MIPOL1: variants seen among roughly 807,000 people sequenced by gnomAD.
MIPOL1 encodes the protein mirror-image polydactyly gene 1 protein.
Under a neutral mutation model 60.9 loss-of-function variants are expected in MIPOL1, and 57 were observed. That is an observed-to-expected ratio of 0.94 (90% CI 0.76 to 1.17). MIPOL1 has a LOEUF of 1.17. Among genes scored for constraint, MIPOL1 ranks in the 50% most tolerant of loss-of-function variants. The probability of loss-of-function intolerance (pLI) is 0.00; values close to 1 mark genes in which losing one functional copy is unlikely to be tolerated. For missense variants in MIPOL1, 551 were observed against 511.6 expected, an observed-to-expected ratio of 1.08 and a Z score of -0.74; for synonymous variants, 179 against 168.8, an observed-to-expected ratio of 1.06 and a Z score of -0.47.
chr14:37,202,612 A>C (rs1392869331), intron 1 of MIPOL1, among the ~76,000 whole-genome samples: 1 of 152,218 alleles, frequency 6.6e-6, no homozygotes, highest in Non-Finnish European at 1.5e-5. Flanking sequence ...AGACTTCATA[A>C]GGGAGCAAAT....
At chr14:37,436,013 T>C (rs2094158192) in intron 11 of MIPOL1, among the ~76,000 whole-genome samples, 1 of 152,148 alleles carries the variant, frequency 6.6e-6, no homozygotes, top group Non-Finnish European at 1.5e-5. Flanking sequence ...AATTCCAGAG[T>C]AGACTTTATT....
intron 9 of MIPOL1, among the ~76,000 whole-genome samples, chr14:37,361,464 C>T (rs1021632664): frequency 3.3e-5 from 5 of 151,942 alleles, no homozygotes; most frequent in East Asian, 1.9e-4. Flanking sequence ...TGGGAGTCTA[C>T]GTCTCTTTGT....
Position 37,308,476 on chromosome 14 carries a change from A to G in MIPOL1, c.785A>G (p.Glu262Gly). 1 of 1,601,140 alleles carries G rather than the reference A, an allele frequency of 6.2e-7. No homozygotes were observed. The highest frequency in any genetic ancestry group is 1.3e-5 in the African/African-American group (1 of 74,516). ...KECKMRITAE[E>G]MSALIEERDA... ...TGTAAAATGAGAATAACTGCAGAAG[A>G]AATGAGTGCACTAATAGAAGAACGG... The change falls in exon 9 of 13, where the codon GAA becomes GGA. Residue 262 changes from glutamate to glycine, a missense_variant. Glu to Gly is a moderately conservative substitution (Grantham distance 98, BLOSUM62 -2). Transcript: ENST00000684589.
rs533920618 is a variant in MIPOL1 at position 37,477,625 on chromosome 14, A to G, written c.1032-22283A>G. On this transcript the variant is annotated intron_variant, in intron 11 of 12. Transcript: ENST00000684589. ...TTTTGAGTGCTGACATGACATCACA[A>G]GTATAAAATAACACACCTGACCTCA... Among the ~76,000 whole-genome samples the G allele has an allele frequency of 1.4e-4, 21 of 152,338 alleles. 1 individual carries two copies. The South Asian group carries it at 4.3e-3, about 32-fold the overall frequency.
Position 37,218,122 on chromosome 14 carries a change from T to C in MIPOL1, c.-199+20018T>C, listed in dbSNP as rs866727362. ...GTTACTGATTTCTAGTTTCTTTCTT[T>C]TCTATTTTTAGTTATTGTGGTAAGA... On this transcript the variant is annotated intron_variant, in intron 1 of 12. Coordinates refer to ENST00000684589, the MANE Select transcript of MIPOL1 (RefSeq NM_001388067.1). Among the ~76,000 whole-genome samples the C allele has an allele frequency of 9.2e-5, 14 of 152,196 alleles. No homozygotes were observed. In the Middle Eastern group the frequency reaches 0.014, roughly 148 times the overall value.
chr14:37,404,849 A>G (rs1374899512), intron 10 of MIPOL1, among the ~76,000 whole-genome samples: 3 of 152,210 alleles, frequency 2.0e-5, no homozygotes, highest in Non-Finnish European at 4.4e-5. Context: ...TAGTCAACAC[A>G]TCTGTTTCAA....
chr14:37,373,254 C>T (rs2092689865), intron 10 of MIPOL1, among the ~76,000 whole-genome samples: 1 of 152,158 alleles, frequency 6.6e-6, no homozygotes, highest in African/African-American at 2.4e-5. Context: ...CTGCCTGCCT[C>T]AGCCTCCCAA....
At chr14:37,295,460 A>G (rs1014000272) in intron 7 of MIPOL1, among the ~76,000 whole-genome samples, 4 of 152,192 alleles carry the variant, frequency 2.6e-5, no homozygotes, top group African/African-American at 7.2e-5. Flanking sequence ...AACAATCCTA[A>G]CCTTAAATGT....
chr14:37,397,632 T>C (rs2093399998), intron 10 of MIPOL1, among the ~76,000 whole-genome samples: 1 of 152,060 alleles, frequency 6.6e-6, no homozygotes, highest in African/African-American at 2.4e-5. Flanking sequence ...GGGCTAGGTA[T>C]GTCTGAGCTC....
chr14:37,338,352 C>T (rs562376364), intron 9 of MIPOL1, among the ~76,000 whole-genome samples: 7 of 151,424 alleles, frequency 4.6e-5, no homozygotes, highest in East Asian at 2.0e-4. Flanking sequence ...CCTCATGATC[C>T]GCTCGCCTTG....
chr14:37,450,204 G>A (rs1047525656), intron 11 of MIPOL1, among the ~76,000 whole-genome samples: 2 of 151,844 alleles, frequency 1.3e-5, no homozygotes, highest in African/African-American at 2.4e-5. Flanking sequence ...CTCCCTTTAC[G>A]CCAGGGCAGT....
chr14:37,342,441 G>A (rs539015867), intron 9 of MIPOL1, among the ~76,000 whole-genome samples: 39 of 150,678 alleles, frequency 2.6e-4, no homozygotes, highest in African/African-American at 8.5e-4. Context: ...TCTGTCACCC[G>A]GGCTGGAGTG....
intron 9 of MIPOL1, among the ~76,000 whole-genome samples, chr14:37,335,581 A>G (rs530657738): frequency 2.0e-5 from 3 of 152,230 alleles, no homozygotes; most frequent in Admixed American, 1.3e-4. Context: ...TGAAGTGTAT[A>G]TCAGAATTTC....
At chr14:37,355,812 A>ATTT (rs1239498664) in intron 9 of MIPOL1, among the ~76,000 whole-genome samples, 1 of 149,538 alleles carries the variant, frequency 6.7e-6, no homozygotes, top group African/African-American at 2.5e-5. Context: ...ATTCTTCTAA[A>ATTT]TTTTTTTCAA....
chr14:37,299,685 C>T (rs112786016), intron 7 of MIPOL1, among the ~76,000 whole-genome samples: 8 of 152,164 alleles, frequency 5.3e-5, no homozygotes, highest in African/African-American at 1.9e-4. Flanking sequence ...ATAATCCTCA[C>T]GACTTTCTCT....
intron 11 of MIPOL1, among the ~76,000 whole-genome samples, chr14:37,471,319 C>T (rs987490611): frequency 2.0e-5 from 3 of 152,030 alleles, no homozygotes; most frequent in South Asian, 2.1e-4. Flanking sequence ...TGACAGAAAA[C>T]GACAACAAAA....
chr14:37,423,453 G>A (rs2153552169), intron 11 of MIPOL1: 1 of 151,648 alleles, frequency 6.6e-6, no homozygotes, highest in Non-Finnish European at 1.5e-5. Flanking sequence ...TAATAAGGTA[G>A]GTATTTTTTA....
At position 37,367,957 on chromosome 14, in the gene MIPOL1, A is replaced by T. The variant is rs1455821488; in HGVS notation, c.829-1560A>T. Among the ~76,000 whole-genome samples the T allele has an allele frequency of 3.9e-5, 6 of 152,178 alleles. No homozygotes were observed. The East Asian group carries it at 1.2e-3, about 29-fold the overall frequency. On this transcript the variant is annotated intron_variant, in intron 9 of 12. Coordinates refer to ENST00000684589, the MANE Select transcript of MIPOL1 (RefSeq NM_001388067.1). ...GCTATAAAAGACAGAGACACAGTTT[A>T]ATATGTAGATCATGTGTCTCCTGAA...
intron 11 of MIPOL1, among the ~76,000 whole-genome samples, chr14:37,467,509 A>G (rs1192989695): frequency 6.6e-6 from 1 of 152,158 alleles, no homozygotes; most frequent in African/African-American, 2.4e-5. Context: ...GGCAATTATA[A>G]TAAGTTGTGG....
Sources: gnomAD v4.1 joint callset for allele counts (sites outside exome capture counted in the v4.1 genomes callset) on GRCh38, gnomAD v4.1.1 for gene constraint, MANE v1.5 for transcripts, NCBI Gene and HGNC (gene_info 2026-07-23, HGNC 2026-07-21) for gene names.